The following NRXN3 variants were observed in gnomAD, a reference collection of about 807,000 sequenced individuals.
The protein encoded by NRXN3 is neurexin III.
In NRXN3, 32 loss-of-function variants were observed where a neutral mutation model predicts 137.6. The observed-to-expected ratio is 0.23, with a 90% confidence interval of 0.18 to 0.31. The LOEUF (loss-of-function observed/expected upper bound fraction) is 0.31, where lower values mean the gene tolerates loss of function less well. Among genes scored for constraint, NRXN3 ranks in the 10% least tolerant of loss-of-function variants. NRXN3 has a pLI of 1.00. For missense variants in NRXN3, 1,574 were observed against 2,062.5 expected (o/e 0.76, Z 4.59); for synonymous variants, 798 against 784.5 (o/e 1.02, Z -0.29).
chr14:78,211,878 T>C (rs1380128525), intron 1 of NRXN3, among the ~76,000 whole-genome samples: 4 of 152,186 alleles, frequency 2.6e-5, no homozygotes, highest in Non-Finnish European at 5.9e-5. Flanking sequence ...ATGGTATAAG[T>C]GGTTTTATCT....
At chr14:79,253,210 C>T (rs2076157911) in intron 15 of NRXN3, among the ~76,000 whole-genome samples, 1 of 152,116 alleles carries the variant, frequency 6.6e-6, no homozygotes, top group African/African-American at 2.4e-5. Context: ...TCACTTGTGT[C>T]TTTACTGTTC....
intron 15 of NRXN3, among the ~76,000 whole-genome samples, chr14:79,453,902 C>A (rs934622527): frequency 9.2e-5 from 14 of 152,126 alleles, no homozygotes; most frequent in African/African-American, 3.1e-4. Context: ...CAATTTTCAT[C>A]TCTCGTGTCT....
chr14:79,361,861 G>C (rs191919321), intron 15 of NRXN3, among the ~76,000 whole-genome samples: 12 of 152,202 alleles, frequency 7.9e-5, no homozygotes, highest in African/African-American at 2.9e-4. Flanking sequence ...TGGAATGGGA[G>C]GGCTAACAAC....
intron 15 of NRXN3, among the ~76,000 whole-genome samples, chr14:79,364,538 C>G (rs902613037): frequency 6.6e-6 from 1 of 151,964 alleles, no homozygotes; most frequent in African/African-American, 2.4e-5. Context: ...TGAAATCAGT[C>G]ACAAATGTAG....
intron 15 of NRXN3, among the ~76,000 whole-genome samples, chr14:79,416,144 C>G (rs936126457): frequency 6.6e-6 from 1 of 151,990 alleles, no homozygotes; most frequent in African/African-American, 2.4e-5. Context: ...CCTGATGTAC[C>G]CAACACAGGG....
intron 15 of NRXN3, among the ~76,000 whole-genome samples, chr14:79,054,088 C>T (rs1568128147): frequency 7.0e-6 from 1 of 142,984 alleles, no homozygotes; most frequent in Admixed American, 7.6e-5. Context: ...CATGTTCTCA[C>T]TCATAGGTAG....
chr14:79,333,565 A>G (rs1232597539), intron 15 of NRXN3, among the ~76,000 whole-genome samples: 1 of 152,132 alleles, frequency 6.6e-6, no homozygotes, highest in Non-Finnish European at 1.5e-5. Flanking sequence ...GCCTGGGATA[A>G]TGAGTCCTTA....
chr14:78,654,633 A>G (rs978210009), intron 6 of NRXN3, among the ~76,000 whole-genome samples: 3 of 152,218 alleles, frequency 2.0e-5, no homozygotes, highest in African/African-American at 7.2e-5. Flanking sequence ...TCGTCAAACT[A>G]TGATGGTTCT....
intron 4 of NRXN3, among the ~76,000 whole-genome samples, chr14:78,620,987 C>A (rs753503225): frequency 7.2e-5 from 11 of 152,086 alleles, no homozygotes; most frequent in Non-Finnish European, 1.6e-4. Flanking sequence ...TCTTTCTCTC[C>A]AGCTTCAGAA....
chr14:78,564,151 T>C (rs1352170884), intron 4 of NRXN3, among the ~76,000 whole-genome samples: 4 of 152,186 alleles, frequency 2.6e-5, no homozygotes, highest in Non-Finnish European at 4.4e-5. Flanking sequence ...GAATAGCAAT[T>C]TCTCCCTTAT....
At chr14:79,853,413 G>C (rs1050336109) in intron 20 of NRXN3, 1 of 229,828 alleles carries the variant, frequency 4.4e-6, no homozygotes, top group Non-Finnish European at 8.4e-6. Flanking sequence ...TGGAGTAATT[G>C]CATGTTGAAG....
chr14:79,617,917 C>CAAAAAAAAAAAAAAAAAAAAAAAAAAAAA lies in NRXN3; in HGVS notation c.3445-45846_3445-45845insAAAAAAAAAAAAAAAAAAAAAAAAAAAAA, dbSNP rs1162153685. ...TTCAGAGATAGGAGCTGAATAGCAG[C>CAAAAAAAAAAAAAAAAAAAAAAAAAAAAA]AAAAAAAAAAAAAAACATGCTTATG... On this transcript the variant is annotated intron_variant, in intron 16 of 20. Transcript: ENST00000335750. 3.2e-4 allele frequency among the ~76,000 whole-genome samples: 29 copies of CAAAAAAAAAAAAAAAAAAAAAAAAAAAAA among 91,314 alleles called. 1 individual carries two copies. Among genetic ancestry groups the CAAAAAAAAAAAAAAAAAAAAAAAAAAAAA allele is most frequent in the African/African-American group, 1.6e-3 (28 of 17,240 alleles). The allele number at this position is 91,314 out of a possible 152,430, so 59.9% of individuals were successfully genotyped here. A position where few individuals can be genotyped will look rare whatever the true frequency, so the allele number is the denominator to read the frequency against.
At chr14:78,970,824 T>C (rs1372665476) in intron 14 of NRXN3, among the ~76,000 whole-genome samples, 4 of 152,278 alleles carry the variant, frequency 2.6e-5, no homozygotes, top group African/African-American at 7.2e-5. Context: ...AAGCCGGATA[T>C]TGTGGCTTGA....
chr14:79,551,301 GAGA>G (rs1418901889), intron 16 of NRXN3, among the ~76,000 whole-genome samples: 1 of 152,080 alleles, frequency 6.6e-6, no homozygotes, highest in Non-Finnish European at 1.5e-5. Context: ...TTGAAGGAGG[GAGA>G]AGGAGCATGA....
chr14:79,215,106 C>T (rs1214290885), intron 15 of NRXN3, among the ~76,000 whole-genome samples: 5 of 152,030 alleles, frequency 3.3e-5, no homozygotes, highest in East Asian at 3.9e-4. Context: ...CTGGTGCTAC[C>T]GGATATTAAA....
At chr14:79,612,240 T>A (rs1156290178) in intron 16 of NRXN3, among the ~76,000 whole-genome samples, 1 of 152,196 alleles carries the variant, frequency 6.6e-6, no homozygotes, top group Admixed American at 6.5e-5. Context: ...GGTTTTTCAA[T>A]CATTTGTGAG....
intron 4 of NRXN3, among the ~76,000 whole-genome samples, chr14:78,389,309 G>A (rs904048255): frequency 6.6e-6 from 1 of 152,088 alleles, no homozygotes; most frequent in Non-Finnish European, 1.5e-5. Context: ...GTCCTCCTCA[G>A]CCTCCCAAAG....
intron 16 of NRXN3, among the ~76,000 whole-genome samples, chr14:79,553,888 C>G (rs2097400933): frequency 6.6e-6 from 1 of 152,066 alleles, no homozygotes; most frequent in Non-Finnish European, 1.5e-5. Flanking sequence ...ACAGGAGATA[C>G]TTTTTAATGA....
intron 15 of NRXN3, among the ~76,000 whole-genome samples, chr14:79,342,989 G>T (rs2092688952): frequency 6.6e-6 from 1 of 152,082 alleles, no homozygotes; most frequent in South Asian, 2.1e-4. Flanking sequence ...GATTGGTCAG[G>T]TTGGCAATGG....
Sources: allele counts gnomAD v4.1 joint callset (sites outside exome capture counted in the v4.1 genomes callset), GRCh38; gene constraint gnomAD v4.1.1; transcripts MANE v1.5; gene names NCBI Gene and HGNC (gene_info 2026-07-23, HGNC 2026-07-21).